TRIM55: variants seen among roughly 807,000 people sequenced by gnomAD.
TRIM55 encodes tripartite motif containing 55.
In TRIM55, 50 loss-of-function variants were observed where a neutral mutation model predicts 60.9. The observed-to-expected ratio is 0.82, with a 90% CI of 0.65 to 1.04. The LOEUF is 1.04. TRIM55 is among the 50% of genes least tolerant of loss of function. TRIM55 has a pLI of 0.00. For missense variants in TRIM55, 681 were observed against 666.9 expected (o/e 1.02, Z -0.23); for synonymous variants, 237 against 238.1 (o/e 1.00, Z 0.04).
intron 9 of TRIM55, among the ~76,000 whole-genome samples, chr8:66,173,833 A>C (rs1811773656): frequency 1.3e-5 from 2 of 152,198 alleles, no homozygotes; most frequent in South Asian, 4.1e-4. Flanking sequence ...GTGCCTACAA[A>C]AGATAATTAT....
At position 66,150,610 on chromosome 8, in the gene TRIM55, C is replaced by T. The variant is rs1422839969; in HGVS notation, c.985+144C>T. 6.4e-6 allele frequency: 6 copies of T among 933,150 alleles called. No individual in the cohort carries two copies. In the African/African-American group the frequency reaches 6.7e-5, roughly 10 times the overall value. The allele number at this position is 933,150 out of a possible 1,614,324, so 57.8% of individuals were successfully genotyped here. On this transcript the variant is annotated intron_variant, in intron 7 of 9. Transcript: ENST00000315962. ...CAAGGATCATATCCAATGTGAAGCT[C>T]TATTTCATTACAGGATCACATCGTT...
chr8:66,165,104 C>G (rs1229395423), intron 9 of TRIM55, among the ~76,000 whole-genome samples: 1 of 152,100 alleles, frequency 6.6e-6, no homozygotes, highest in Non-Finnish European at 1.5e-5. Context: ...TACACGTGTC[C>G]CCAGACCTGA....
chr8:66,140,240 A>G (rs528174567), intron 4 of TRIM55, among the ~76,000 whole-genome samples: 1 of 152,380 alleles, frequency 6.6e-6, no homozygotes, highest in African/African-American at 2.4e-5. Flanking sequence ...ATAGCCTCCT[A>G]TACATTCATG....
At position 66,154,077 on chromosome 8, in the gene TRIM55, A is replaced by G; in HGVS notation, c.1267A>G (p.Thr423Ala). The change falls in exon 9 of 10, where the codon ACC becomes GCC. Residue 423 changes from threonine (T) to alanine (A), a missense_variant. Transcript: ENST00000315962. ...GEVVPTGSEQTTESETPVPAA... is the reference protein window; with the variant it reads ...GEVVPTGSEQATESETPVPAA... ...GGTTGTACCCACTGGCTCTGAGCAGACCACAGAGTCTGAAACTCCAGTCCC... is the reference window on the plus strand; with the variant it reads ...GGTTGTACCCACTGGCTCTGAGCAGGCCACAGAGTCTGAAACTCCAGTCCC... 1 of 1,613,736 alleles carries G rather than the reference A, an allele frequency of 6.2e-7. No homozygotes were observed. Among genetic ancestry groups the G allele is most frequent in the Non-Finnish European group, 8.5e-7 (1 of 1,179,926 alleles).
chr8:66,136,237 C>T (rs2128975033), intron 3 of TRIM55, among the ~76,000 whole-genome samples: 1 of 152,292 alleles, frequency 6.6e-6, no homozygotes, highest in Non-Finnish European at 1.5e-5. Context: ...CCTGGAGACT[C>T]ATGTGAGATG....
intron 8 of TRIM55, 66 bp downstream of exon 8, chr8:66,152,693 A>G: frequency 6.5e-7 from 1 of 1,545,688 alleles, no homozygotes; most frequent in South Asian, 1.2e-5. Context: ...TAGCCTAAAC[A>G]ATTTACCCTA....
chr8:66,135,281 C>A, intron 3 of TRIM55, 126 bp downstream of exon 3: 1 of 911,744 alleles, frequency 1.1e-6, no homozygotes, highest in South Asian at 1.5e-5. Flanking sequence ...GGCCATGGGA[C>A]ACTGGAGGGC....
intron 9 of TRIM55, chr8:66,155,618 C>T (rs752706159): frequency 6.3e-7 from 1 of 1,586,590 alleles, no homozygotes; most frequent in Non-Finnish European, 8.6e-7. Context: ...CTTGTTTTCT[C>T]ACAGGAGTTA....
chr8:66,150,696 T>C (rs995657136), intron 7 of TRIM55, among the ~76,000 whole-genome samples: 4 of 151,900 alleles, frequency 2.6e-5, no homozygotes, highest in African/African-American at 9.7e-5. Context: ...TGATGGACTC[T>C]CACTCTGTTG....
chr8:66,135,113 C>A lies in TRIM55; in HGVS notation c.465C>A (p.Asp155Glu). ...SLCKVFGAHK[D>E]CQVAPLTHVF... Reference sequence around the variant, plus strand: ...GCAAGGTGTTTGGTGCACACAAAGACTGCCAGGTGGCTCCCCTCACTCATG... The same window carrying A: ...GCAAGGTGTTTGGTGCACACAAAGAATGCCAGGTGGCTCCCCTCACTCATG... The change falls in exon 3 of 10, where the codon GAC becomes GAA. Residue 155 changes from aspartate to glutamate, a missense_variant. By Grantham distance (45) the Asp-to-Glu change is conservative. Transcript: ENST00000315962. 6.2e-7 allele frequency: 1 copy of A among 1,614,234 alleles called. No homozygotes were observed. The highest frequency in any genetic ancestry group is 8.5e-7 in the Non-Finnish European group (1 of 1,180,044).
the TRIM55 span, chr8:66,113,427 C>G: frequency 2.3e-6 from 1 of 444,038 alleles, no homozygotes; most frequent in South Asian, 1.6e-5. Flanking sequence ...AGGAGACATC[C>G]TTAGGTCGCT....
intron 8 of TRIM55, among the ~76,000 whole-genome samples, chr8:66,153,239 T>A (rs1180717953): frequency 1.3e-5 from 2 of 152,188 alleles, no homozygotes; most frequent in Non-Finnish European, 2.9e-5. Context: ...GATTTGTCAT[T>A]TGATGAGATT....
the TRIM55 span, among the ~76,000 whole-genome samples, chr8:66,121,094 A>G: frequency 6.6e-6 from 1 of 152,222 alleles, no homozygotes; most frequent in Non-Finnish European, 1.5e-5. Context: ...GAAAGAGGTC[A>G]AAAGCCTTCT....
intron 4 of TRIM55, among the ~76,000 whole-genome samples, chr8:66,144,555 C>T (rs1012002357): frequency 5.3e-5 from 8 of 152,160 alleles, no homozygotes; most frequent in Non-Finnish European, 1.0e-4. Context: ...TTGCTAAGCA[C>T]ACTCACACAG....
chr8:66,130,253 A>G (rs1449208793), intron 2 of TRIM55, among the ~76,000 whole-genome samples: 1 of 152,232 alleles, frequency 6.6e-6, no homozygotes, highest in African/African-American at 2.4e-5. Flanking sequence ...CGTAAAAGCA[A>G]TGAACCAAAT....
chr8:66,171,039 C>T (rs1034029433), intron 9 of TRIM55, among the ~76,000 whole-genome samples: 2 of 152,160 alleles, frequency 1.3e-5, no homozygotes, highest in South Asian at 2.1e-4. Flanking sequence ...TGTCTAAGTA[C>T]GTTCTGTAAT....
At chr8:66,152,801 G>C (rs537524898) in intron 8 of TRIM55, among the ~76,000 whole-genome samples, 174 bp downstream of exon 8, 2 of 152,230 alleles carry the variant, frequency 1.3e-5, no homozygotes, top group South Asian at 4.1e-4. Context: ...AAGTCCTCTA[G>C]GTGATTCAAC....
intron 7 of TRIM55, among the ~76,000 whole-genome samples, chr8:66,151,577 G>C (rs972815539): frequency 1.3e-5 from 2 of 152,152 alleles, no homozygotes; most frequent in African/African-American, 2.4e-5. Context: ...GTCAGGAAAA[G>C]AGTCACGGCA....
At chr8:66,147,570 G>T (rs1158276720) in intron 4 of TRIM55, among the ~76,000 whole-genome samples, 1 of 152,064 alleles carries the variant, frequency 6.6e-6, no homozygotes, top group African/African-American at 2.4e-5. Flanking sequence ...GCCGAGGCGG[G>T]TGGATCATGA....
Sources: allele counts gnomAD v4.1 joint callset (sites outside exome capture counted in the v4.1 genomes callset), GRCh38; gene constraint gnomAD v4.1.1; transcripts MANE v1.5; gene names NCBI Gene and HGNC (gene_info 2026-07-23, HGNC 2026-07-21).